Variants in SLC26A5 observed in about 807,000 individuals in gnomAD.
SLC26A5 encodes prestin.
In SLC26A5, 51 loss-of-function variants were observed where a neutral mutation model predicts 81.0. That is an observed-to-expected ratio of 0.63 (90% CI 0.50 to 0.80). The LOEUF is 0.80. Among genes scored for constraint, SLC26A5 ranks in the 30% least tolerant of loss-of-function variants. The pLI is 0.00. For missense variants in SLC26A5, 771 were observed against 905.8 expected (o/e 0.85, Z 1.91); for synonymous variants, 325 against 332.8 (o/e 0.98, Z 0.25).
rs567147888 is a variant in SLC26A5 at position 103,374,448 on chromosome 7, G to T, written c.2186C>A (p.Ser729Tyr). ...LAEQEASAPP[S>Y]QEDLEPNATP... ...GGCATTGGGCTCCAAGTCCTCCTGG[G>T]AAGGGGGAGCCGAGGCTTCCTGTTC... is the stretch of plus-strand genomic sequence containing the variant. Residue 729 changes from serine (S) to tyrosine (Y), a missense_variant, in exon 20 of 20, where the codon TCC (serine) becomes TAC (tyrosine). Physicochemically the swap from Ser to Tyr is moderately radical, Grantham distance 144. Transcript: ENST00000306312. 1.9e-6 allele frequency: 3 copies of T among 1,613,064 alleles called. No homozygotes were observed. The highest frequency in any genetic ancestry group is 3.3e-5 in the Admixed American group (2 of 60,010).
Position 103,421,418 on chromosome 7 carries a change from G to A in SLC26A5, c.97C>T (p.His33Tyr). 2 of 1,614,098 alleles carry A rather than the reference G, an allele frequency of 1.2e-6. No homozygotes were observed. The highest frequency in any genetic ancestry group is 1.7e-6 in the Non-Finnish European group (2 of 1,179,994). ...FSHPVLQERL[H>Y]TKDKVPDSIA... is the part of the protein sequence containing the mutation. The stretch of plus-strand genomic sequence containing the variant: ...GAATCAGGAACCTTGTCCTTTGTGT[G>A]TAGTCTTTCCTGGAGGACCGGATGA... Residue 33 changes from histidine (H) to tyrosine (Y), a missense_variant, in exon 3 of 20, where the codon CAC becomes TAC. By Grantham distance (83) the His-to-Tyr change is moderately conservative (BLOSUM62 2). Transcript: ENST00000306312.
chr7:103,355,603 G>A, intron 19 of SLC26A5: 1 of 945,038 alleles, frequency 1.1e-6, no homozygotes, highest in Non-Finnish European at 1.7e-6. Flanking sequence ...GAATGATTCA[G>A]TGCAAAATAT....
chr7:103,432,981 G>A (rs1434531219), intron 2 of SLC26A5, among the ~76,000 whole-genome samples: 1 of 152,142 alleles, frequency 6.6e-6, no homozygotes, highest in Admixed American at 6.5e-5. Context: ...CACAGGCCCA[G>A]GGTTTTGTTT....
chr7:103,396,591 G>A (rs1437379759), intron 9 of SLC26A5, among the ~76,000 whole-genome samples: 1 of 152,152 alleles, frequency 6.6e-6, no homozygotes, highest in Non-Finnish European at 1.5e-5. Flanking sequence ...GACAAATGCT[G>A]TATGATTCCA....
chr7:103,435,669 T>C (rs937239162), intron 2 of SLC26A5, among the ~76,000 whole-genome samples: 4 of 152,218 alleles, frequency 2.6e-5, no homozygotes, highest in Non-Finnish European at 5.9e-5. Context: ...ATGAAGACTT[T>C]CCATTAATCT....
At chr7:103,398,639 C>A (rs1284647209) in intron 8 of SLC26A5, among the ~76,000 whole-genome samples, 1 of 152,128 alleles carries the variant, frequency 6.6e-6, no homozygotes, top group Non-Finnish European at 1.5e-5. Flanking sequence ...AGTACAATCC[C>A]TAATGAGTTG....
intron 10 of SLC26A5, 55 bp downstream of exon 10, chr7:103,392,864 A>C: frequency 6.2e-7 from 1 of 1,608,454 alleles, no homozygotes; most frequent in East Asian, 2.2e-5. Context: ...GGCGTGAGCC[A>C]GACATTGGTG....
intron 4 of SLC26A5, 53 bp downstream of exon 4, chr7:103,420,685 T>A (rs1651393759): frequency 6.2e-7 from 1 of 1,607,390 alleles, no homozygotes; most frequent in Non-Finnish European, 8.5e-7. Context: ...AAACAGAAGG[T>A]CAAGCAATTG....
chr7:103,362,790 A>G (rs760711356), intron 19 of SLC26A5: 3 of 995,564 alleles, frequency 3.0e-6, no homozygotes, highest in South Asian at 2.8e-5. Flanking sequence ...AAGGAAGGCT[A>G]TGTCTTTTTT....
At position 103,388,981 on chromosome 7, in the gene SLC26A5, C is replaced by T. The variant is rs766006703; in HGVS notation, c.1514+27G>A. The T allele has an allele frequency of 2.6e-6, 4 of 1,519,948 alleles. No homozygotes were observed. The South Asian group carries it at 4.5e-5, about 17-fold the overall frequency. The allele number at this position is 1,519,948 out of a possible 1,614,324, so 94.2% of individuals were successfully genotyped here. A position where few individuals can be genotyped will look rare whatever the true frequency, so the allele number is the denominator to read the frequency against. On this transcript the variant is annotated intron_variant, in intron 14 of 19. Transcript: ENST00000306312. ...ACATTGTCATCTCTGCCGGGACATT[C>T]ACACCCATTCCAATCTGGGCACTCA...
intron 8 of SLC26A5, among the ~76,000 whole-genome samples, chr7:103,407,348 T>C (rs1824138409): frequency 6.6e-6 from 1 of 152,194 alleles, no homozygotes; most frequent in African/African-American, 2.4e-5. Flanking sequence ...TTTATTCCAA[T>C]TTATGTGCAT....
At chr7:103,412,551 TTG>T (rs1428271336) in intron 5 of SLC26A5, among the ~76,000 whole-genome samples, 83 of 132,210 alleles carry the variant, frequency 6.3e-4, no homozygotes, top group African/African-American at 2.9e-3. Context: ...AGTTTTTTTT[TTG>T]TTTTTTTTTT....
intron 19 of SLC26A5, among the ~76,000 whole-genome samples, chr7:103,354,173 A>G (rs1442813613): frequency 6.6e-6 from 1 of 152,212 alleles, no homozygotes; most frequent in African/African-American, 2.4e-5. Context: ...TTTATAGAAT[A>G]GATCAAAGTA....
At chr7:103,409,740 C>T (rs1824328093) in intron 7 of SLC26A5, among the ~76,000 whole-genome samples, 1 of 151,678 alleles carries the variant, frequency 6.6e-6, no homozygotes, top group South Asian at 2.1e-4. Context: ...CAGAGTCTTG[C>T]TCTGTCGCTC....
chr7:103,410,309 TA>T, intron 7 of SLC26A5, 75 bp downstream of exon 7: 2 of 1,278,258 alleles, frequency 1.6e-6, no homozygotes, highest in Non-Finnish European at 2.3e-6. Context: ...GTCTTGAAAG[TA>T]AAAAGAGATA....
At chr7:103,420,289 CTTTT>C (rs35755959) in intron 4 of SLC26A5, among the ~76,000 whole-genome samples, 1 of 90,590 alleles carries the variant, frequency 1.1e-5, no homozygotes, top group African/African-American at 4.3e-5. Flanking sequence ...ATCCCTGGAG[CTTTT>C]TTTTTTTTTT....
intron 2 of SLC26A5, among the ~76,000 whole-genome samples, chr7:103,433,148 G>C (rs1263620235): frequency 6.6e-6 from 1 of 152,084 alleles, no homozygotes; most frequent in Non-Finnish European, 1.5e-5. Flanking sequence ...CCATGGTCCT[G>C]GTCTCCTGTG....
At chr7:103,362,692 T>C in intron 19 of SLC26A5, 1 of 1,602,956 alleles carries the variant, frequency 6.2e-7, no homozygotes, top group Non-Finnish European at 8.5e-7. Context: ...TTAGCGTGGA[T>C]AGAAATAAAT....
chr7:103,378,136 A>C (rs1419095870), intron 17 of SLC26A5, among the ~76,000 whole-genome samples: 1 of 152,220 alleles, frequency 6.6e-6, no homozygotes, highest in Admixed American at 6.5e-5. Context: ...AGCATGCCTG[A>C]ACAGCAAAAG....
Sources: gnomAD v4.1 joint callset for allele counts (sites outside exome capture counted in the v4.1 genomes callset) on GRCh38, gnomAD v4.1.1 for gene constraint, MANE v1.5 for transcripts, NCBI Gene and HGNC (gene_info 2026-07-23, HGNC 2026-07-21) for gene names.